IL18R1: variants seen among roughly 807,000 people sequenced by gnomAD.
IL18R1 encodes the protein interleukin-18 receptor 1.
IL18R1 carries 40 observed loss-of-function variants against 48.5 expected under a neutral mutation model. That is an observed-to-expected ratio of 0.82 (90% CI 0.64 to 1.07). The LOEUF (loss-of-function observed/expected upper bound fraction) is 1.07, where lower values mean the gene tolerates loss of function less well. IL18R1 is among the 50% of genes least tolerant of loss of function. The pLI is 0.00. For synonymous variants in IL18R1, 232 were observed against 225.9 expected (o/e 1.03, Z -0.24); for missense variants, 596 against 633.7 (o/e 0.94, Z 0.64).
At position 102,387,006 on chromosome 2, in the gene IL18R1, A is replaced by G; in HGVS notation, c.949+6A>G. On this transcript the variant is annotated splice_donor_region_variant and intron_variant, in intron 8 of 10. Transcript: ENST00000233957. ...CTTCATCTTGGTGAGAAAAGGTGAG[A>G]AAGATTTATTTTTGGAAGTTTTGAA... is the stretch of plus-strand genomic sequence containing the variant. The G allele has an allele frequency of 6.2e-7, 1 of 1,608,898 alleles. No individual in the cohort carries two copies. The highest frequency in any genetic ancestry group is 8.5e-7 in the Non-Finnish European group (1 of 1,178,734).
At chr2:102,382,656 A>G (rs939229328) in intron 6 of IL18R1, among the ~76,000 whole-genome samples, 4 of 152,188 alleles carry the variant, frequency 2.6e-5, no homozygotes, top group African/African-American at 9.6e-5. Flanking sequence ...CTAAAGTTAA[A>G]TCACTAAAAA....
chr2:102,388,088 C>A (rs1199955479), intron 8 of IL18R1, among the ~76,000 whole-genome samples: 25 of 152,150 alleles, frequency 1.6e-4, no homozygotes, highest in Admixed American at 1.6e-3. Context: ...GCCACACACA[C>A]AGACTGGGCC....
At chr2:102,363,427 C>G (rs1038424068) in intron 2 of IL18R1, among the ~76,000 whole-genome samples, 6 of 152,086 alleles carry the variant, frequency 3.9e-5, no homozygotes, top group African/African-American at 1.4e-4. Context: ...TAACACAGGT[C>G]CAATCTCAGG....
intron 2 of IL18R1, among the ~76,000 whole-genome samples, chr2:102,367,458 G>A (rs988513288): frequency 6.6e-6 from 1 of 152,124 alleles, no homozygotes; most frequent in Admixed American, 6.5e-5. Flanking sequence ...ATATTTTGAG[G>A]TAGGTATGGC....
intron 5 of IL18R1, among the ~76,000 whole-genome samples, chr2:102,381,040 A>G (rs1383376238): frequency 6.6e-6 from 1 of 152,206 alleles, no homozygotes. Flanking sequence ...ATTTATGTGC[A>G]GTACTTCCAG....
intron 5 of IL18R1, 135 bp from the exon 6 acceptor site, chr2:102,381,485 A>T (rs1460229952): frequency 1.5e-6 from 1 of 656,784 alleles, no homozygotes; most frequent in Non-Finnish European, 2.7e-6. Flanking sequence ...GTTAATGCAA[A>T]TAGGACTCAA....
rs1210705388 is a variant in IL18R1 at position 102,398,638 on chromosome 2, CTCTTT to C, written c.*1754_*1758del. The stretch of plus-strand genomic sequence containing the variant: ...TAATACATAGAATGATTTTGCTTTT[CTCTTT>C]TATTATACTTGCTTTAAAATACTTG... On this transcript the variant is annotated 3_prime_UTR_variant, in exon 11 of 11. Transcript: ENST00000233957. 1 of 152,186 alleles carries C rather than the reference CTCTTT, an allele frequency of 6.6e-6. No homozygotes were observed. Among genetic ancestry groups the C allele is most frequent in the African/African-American group, 2.4e-5 (1 of 41,434 alleles). 9.4% of individuals were successfully genotyped at this position (152,186 alleles called of 1,614,324 possible). A position where few individuals can be genotyped will look rare whatever the true frequency, so the allele number is the denominator to read the frequency against.
intron 5 of IL18R1, among the ~76,000 whole-genome samples, chr2:102,380,786 G>A (rs1679876302): frequency 6.6e-6 from 1 of 152,166 alleles, no homozygotes; most frequent in Non-Finnish European, 1.5e-5. Context: ...GTCCCAGAAG[G>A]GATGTTCTGG....
intron 1 of IL18R1, among the ~76,000 whole-genome samples, chr2:102,357,889 T>G (rs1462835093): frequency 6.6e-6 from 1 of 152,176 alleles, no homozygotes; most frequent in African/African-American, 2.4e-5. Context: ...AGCGTGTGTG[T>G]GTGTGTGTAT....
intron 1 of IL18R1, among the ~76,000 whole-genome samples, chr2:102,358,569 A>T (rs1678391046): frequency 6.6e-6 from 1 of 152,176 alleles, no homozygotes; most frequent in Non-Finnish European, 1.5e-5. Context: ...TGCATTTAAG[A>T]TGTATTAAAT....
intron 9 of IL18R1, among the ~76,000 whole-genome samples, chr2:102,393,839 A>G (rs1680676145): frequency 6.6e-6 from 1 of 151,718 alleles, no homozygotes. Context: ...CATCGGGATC[A>G]CTCTTTATTC....
At chr2:102,362,588 T>C in intron 1 of IL18R1, 45 bp from the exon 2 acceptor site, 14 of 1,364,986 alleles carry the variant, frequency 1.0e-5, no homozygotes, top group Non-Finnish European at 1.3e-5. Context: ...TAGGCACACT[T>C]TTGTTTGAAA....
At position 102,393,782 on chromosome 2, in the gene IL18R1, A is replaced by G. The variant is rs144240195; in HGVS notation, c.1112-687A>G. ...ACAGATCCCAATTAGCATCCATTGC[A>G]TTTTTTAGGACCTGACTCAAAATTT... On this transcript the variant is annotated intron_variant, in intron 9 of 10. Coordinates refer to ENST00000233957, the MANE Select transcript of IL18R1 (RefSeq NM_003855.5). Among the ~76,000 whole-genome samples the G allele has an allele frequency of 2.4e-3, 360 of 152,268 alleles. 2 individuals are homozygous for G. The highest frequency in any genetic ancestry group is 8.2e-3 in the African/African-American group (342 of 41,548).
chr2:102,368,088 CA>C lies in IL18R1; in HGVS notation c.302+24del. The C allele has an allele frequency of 1.2e-6, 2 of 1,612,544 alleles. No individual in the cohort carries two copies. Among genetic ancestry groups the C allele is most frequent in the Non-Finnish European group, 1.7e-6 (2 of 1,178,694 alleles). ...AATGAAGTGAGTAACCCTTTCTTTTCAAAATGTATTTCACAGCCCTCTTGTC... is the reference window on the plus strand; with the variant it reads ...AATGAAGTGAGTAACCCTTTCTTTTCAAATGTATTTCACAGCCCTCTTGTC... On this transcript the variant is annotated intron_variant, in intron 3 of 10. Coordinates refer to ENST00000233957, the MANE Select transcript of IL18R1 (RefSeq NM_003855.5).
In IL18R1 at chr2:102,386,983, T is replaced by G. The variant is rs1680268861; in HGVS notation, c.932T>G (p.Phe311Cys). 1 of 1,613,148 alleles carries G rather than the reference T, an allele frequency of 6.2e-7. No homozygotes were observed. The highest frequency in any genetic ancestry group is 8.5e-7 in the Non-Finnish European group (1 of 1,179,788). ...ASTGGTDTKSFILVRKADMAD... is the reference protein window; with the variant it reads ...ASTGGTDTKSCILVRKADMAD... ...ACGGGAGGCACAGACACCAAAAGCT[T>G]CATCTTGGTGAGAAAAGGTGAGAAA... Residue 311 changes from phenylalanine to cysteine, a missense_variant, in exon 8 of 11, where the codon TTC (phenylalanine) becomes TGC (cysteine). Phe to Cys is a radical substitution (Grantham distance 205). Around this residue, in one of 3 missense-constraint regions of IL18R1, gnomAD observed 57 missense variants for 88.2 expected, o/e 0.65. Coordinates refer to ENST00000233957, the MANE Select transcript of IL18R1 (RefSeq NM_003855.5).
At chr2:102,358,969 T>C (rs1678415567) in intron 1 of IL18R1, among the ~76,000 whole-genome samples, 1 of 152,092 alleles carries the variant, frequency 6.6e-6, no homozygotes, top group African/African-American at 2.4e-5. Context: ...ATAAGTGCTA[T>C]GAATAGAAAA....
chr2:102,384,187 G>T (rs1573219407), intron 6 of IL18R1, among the ~76,000 whole-genome samples: 1 of 152,152 alleles, frequency 6.6e-6, no homozygotes, highest in East Asian at 1.9e-4. Flanking sequence ...GTGAGGGAGG[G>T]GGTGCTGCAG....
At chr2:102,396,442 A>G (rs1420095) in intron 10 of IL18R1, 89 bp from the exon 11 acceptor site, 50,740 of 708,722 alleles carry the variant, frequency 0.072, 2,242 homozygotes, top group Non-Finnish European at 0.083. Context: ...TTAGGAGTTA[A>G]TATAAAATAA....
chr2:102,375,569 TTC>T (rs140815276), intron 4 of IL18R1, among the ~76,000 whole-genome samples: 10 of 150,794 alleles, frequency 6.6e-5, no homozygotes, highest in Non-Finnish European at 1.2e-4. Flanking sequence ...TGAAGTAGTG[TTC>T]TCTCTCTCTC....
Sources: allele counts gnomAD v4.1 joint callset (sites outside exome capture counted in the v4.1 genomes callset), GRCh38; gene constraint gnomAD v4.1.1; regional missense constraint gnomAD v4.1.1; transcripts MANE v1.5; gene names NCBI Gene and HGNC (gene_info 2026-07-23, HGNC 2026-07-21).